Variants in PTPRM observed in about 807,000 individuals in gnomAD.
The protein encoded by PTPRM is protein tyrosine phosphatase receptor type M, also known as receptor-type tyrosine-protein phosphatase mu.
A neutral mutation model predicts 186.7 loss-of-function variants in PTPRM; 47 were observed. The ratio of observed to expected loss-of-function variants is 0.25; its 90% CI spans 0.20 to 0.32. The LOEUF is 0.32. Among genes scored for constraint, PTPRM ranks in the 10% least tolerant of loss-of-function variants. The pLI, the probability that PTPRM is intolerant of heterozygous loss-of-function variation, is 1.00. For synonymous variants in PTPRM, 668 were observed against 674.9 expected, an observed-to-expected ratio of 0.99 and a Z score of 0.16; for missense variants, 1,494 against 1,865.0, an observed-to-expected ratio of 0.80 and a Z score of 3.66.
intron 1 of PTPRM, among the ~76,000 whole-genome samples, chr18:7,762,192 T>C (rs1312496107): frequency 6.6e-6 from 1 of 152,106 alleles, no homozygotes. Flanking sequence ...CCTGTATATT[T>C]GGCAGTGATG....
chr18:8,053,194 G>A (rs2148284073), intron 7 of PTPRM, among the ~76,000 whole-genome samples: 1 of 151,992 alleles, frequency 6.6e-6, no homozygotes, highest in South Asian at 2.1e-4. Context: ...CAATAATAAG[G>A]TTTTAGCTTA....
In PTPRM at chr18:8,381,781, A is replaced by C. The variant is rs192220750; in HGVS notation, c.3918+1354A>C. On this transcript the variant is annotated intron_variant, in intron 29 of 32. Transcript: ENST00000580170. ...CAGTGGCACGGCCGAAATTTCACTAATTCTAGAGTCTTAAGTTGCAGACAC... is the reference window on the plus strand; with the variant it reads ...CAGTGGCACGGCCGAAATTTCACTACTTCTAGAGTCTTAAGTTGCAGACAC... 7.9e-5 allele frequency among the ~76,000 whole-genome samples: 12 copies of C among 152,296 alleles called. No individual in the cohort carries two copies. The East Asian group carries it at 2.3e-3, about 29-fold the overall frequency.
chr18:7,996,241 A>T (rs563856399), intron 7 of PTPRM, among the ~76,000 whole-genome samples: 1 of 152,160 alleles, frequency 6.6e-6, no homozygotes, highest in Non-Finnish European at 1.5e-5. Flanking sequence ...GGGAAAATGG[A>T]TGGTTCAACA....
chr18:7,701,015 GA>G (rs1186948863), intron 1 of PTPRM, among the ~76,000 whole-genome samples: 2 of 126,342 alleles, frequency 1.6e-5, no homozygotes, highest in African/African-American at 3.0e-5. Context: ...AAGAAAACAA[GA>G]AAAAAAAAGC....
chr18:8,388,376 C>T (rs1169948409), intron 31 of PTPRM, among the ~76,000 whole-genome samples: 1 of 152,132 alleles, frequency 6.6e-6, no homozygotes, highest in Non-Finnish European at 1.5e-5. Flanking sequence ...TGGCTCAGGG[C>T]GTGGGTTACT....
intron 7 of PTPRM, among the ~76,000 whole-genome samples, chr18:7,960,478 T>TACAC (rs1254346037): frequency 1.3e-4 from 12 of 93,874 alleles, no homozygotes; most frequent in African/African-American, 4.0e-4. Flanking sequence ...TATATATATA[T>TACAC]ATACACACAC....
At chr18:8,350,632 C>T (rs1478344609) in intron 23 of PTPRM, among the ~76,000 whole-genome samples, 1 of 152,190 alleles carries the variant, frequency 6.6e-6, no homozygotes, top group African/African-American at 2.4e-5. Context: ...TAAACATTGG[C>T]TCCTGACACA....
chr18:8,092,379 G>T (rs1190702165), intron 11 of PTPRM, among the ~76,000 whole-genome samples: 2 of 152,100 alleles, frequency 1.3e-5, no homozygotes. Context: ...TCATTAATAA[G>T]ATATGGAAAA....
chr18:8,087,122 A>G lies in PTPRM; in HGVS notation c.1753+1250A>G, dbSNP rs542301893. ...ATTTTGATCAAATAAATTTACTCCT[A>G]CATACAAATTAAGATAATATTATCT... is the stretch of plus-strand genomic sequence containing the variant. On this transcript the variant is annotated intron_variant, in intron 10 of 32. Transcript: ENST00000580170. Among the ~76,000 whole-genome samples the G allele has an allele frequency of 9.9e-4, 151 of 152,222 alleles. 1 individual carries two copies. The highest frequency in any genetic ancestry group is 3.6e-3 in the African/African-American group (149 of 41,560).
At chr18:7,678,192 C>T (rs2039392523) in intron 1 of PTPRM, among the ~76,000 whole-genome samples, 1 of 152,130 alleles carries the variant, frequency 6.6e-6, no homozygotes, top group Non-Finnish European at 1.5e-5. Flanking sequence ...CACCCCTCCC[C>T]ACAAAGGGGT....
At chr18:7,734,589 C>G (rs1416324338) in intron 1 of PTPRM, among the ~76,000 whole-genome samples, 1 of 152,086 alleles carries the variant, frequency 6.6e-6, no homozygotes, top group Non-Finnish European at 1.5e-5. Context: ...TAATATTTAT[C>G]AGTTATGGTT....
chr18:8,079,418 A>G (rs2090006329), intron 9 of PTPRM, among the ~76,000 whole-genome samples: 1 of 152,220 alleles, frequency 6.6e-6, no homozygotes, highest in African/African-American at 2.4e-5. Flanking sequence ...TTGTAAGTGC[A>G]GAAGTATTCA....
intron 11 of PTPRM, among the ~76,000 whole-genome samples, chr18:8,095,559 G>GA (rs1221249765): frequency 6.6e-6 from 1 of 152,012 alleles, no homozygotes; most frequent in Non-Finnish European, 1.5e-5. Flanking sequence ...TCAGGTCAGG[G>GA]AAAAAATGTA....
chr18:7,774,316 G>T (rs1294298407), intron 2 of PTPRM, 45 bp downstream of exon 2: 1 of 1,599,362 alleles, frequency 6.3e-7, no homozygotes, highest in East Asian at 2.2e-5. Flanking sequence ...GAACACAAGA[G>T]TCTCAATCAT....
intron 7 of PTPRM, among the ~76,000 whole-genome samples, chr18:8,024,603 G>A (rs2085447268): frequency 1.3e-5 from 2 of 150,354 alleles, no homozygotes; most frequent in Non-Finnish European, 3.0e-5. Context: ...GCCTTAAATT[G>A]TCCATGTTTC....
At chr18:8,300,176 G>A (rs2095141176) in intron 20 of PTPRM, among the ~76,000 whole-genome samples, 1 of 152,138 alleles carries the variant, frequency 6.6e-6, no homozygotes, top group Non-Finnish European at 1.5e-5. Context: ...TGTGTTGTGA[G>A]GACACCACTG....
At chr18:7,715,366 A>G (rs2040304465) in intron 1 of PTPRM, among the ~76,000 whole-genome samples, 2 of 152,208 alleles carry the variant, frequency 1.3e-5, no homozygotes, top group Admixed American at 1.3e-4. Context: ...TCAAAATAAT[A>G]AGAGCTATTT....
intron 22 of PTPRM, among the ~76,000 whole-genome samples, chr18:8,340,780 T>C (rs1449690720): frequency 1.3e-5 from 2 of 152,190 alleles, no homozygotes; most frequent in Non-Finnish European, 2.9e-5. Context: ...TCCTTGATGC[T>C]ATAGATCAGG....
chr18:7,824,131 C>T (rs999596465), intron 2 of PTPRM, among the ~76,000 whole-genome samples: 2 of 152,206 alleles, frequency 1.3e-5, no homozygotes, highest in African/African-American at 4.8e-5. Flanking sequence ...TGGTCTTCAT[C>T]CGGGCCTCAT....
Sources: gnomAD v4.1 joint callset for allele counts (sites outside exome capture counted in the v4.1 genomes callset) on GRCh38, gnomAD v4.1.1 for gene constraint, MANE v1.5 for transcripts, NCBI Gene and HGNC (gene_info 2026-07-23, HGNC 2026-07-21) for gene names.